HS3ST4: variants seen among roughly 807,000 people sequenced by gnomAD.
The protein encoded by HS3ST4 is heparan sulfate glucosamine 3-O-sulfotransferase 4.
In HS3ST4, 17 loss-of-function variants were observed where a neutral mutation model predicts 29.2. The observed-to-expected ratio is 0.58, with a 90% CI of 0.40 to 0.87. The LOEUF (loss-of-function observed/expected upper bound fraction) is 0.87. Among genes scored for constraint, HS3ST4 ranks in the 40% least tolerant of loss-of-function variants. HS3ST4 has a pLI of 0.00. For synonymous variants in HS3ST4, 314 were observed against 285.7 expected (o/e 1.10, Z -1.00); for missense variants, 627 against 634.5 (o/e 0.99, Z 0.13).
At chr16:25,831,572 CAG>C (rs374624817) in intron 1 of HS3ST4, among the ~76,000 whole-genome samples, 98 of 152,052 alleles carry the variant, frequency 6.4e-4, no homozygotes, top group African/African-American at 2.3e-3. Flanking sequence ...GCCTAGGCGA[CAG>C]AGTGAGACCC....
chr16:25,766,512 T>G (rs1044984994), intron 1 of HS3ST4, among the ~76,000 whole-genome samples: 2 of 152,250 alleles, frequency 1.3e-5, no homozygotes, highest in Admixed American at 1.3e-4. Flanking sequence ...CTGTTTTTCC[T>G]GTCCACTCAC....
intron 1 of HS3ST4, among the ~76,000 whole-genome samples, chr16:25,896,787 T>A (rs1030367349): frequency 1.7e-4 from 26 of 152,200 alleles, no homozygotes; most frequent in African/African-American, 6.3e-4. Context: ...GAAAATGTGG[T>A]ACATATACAC....
At chr16:25,880,740 A>G (rs1253823713) in intron 1 of HS3ST4, among the ~76,000 whole-genome samples, 1 of 152,226 alleles carries the variant, frequency 6.6e-6, no homozygotes, top group African/African-American at 2.4e-5. Context: ...CTAAATTAAG[A>G]AATGAAATAA....
chr16:25,794,943 A>G (rs1966879405), intron 1 of HS3ST4, among the ~76,000 whole-genome samples: 1 of 146,646 alleles, frequency 6.8e-6, no homozygotes, highest in African/African-American at 2.5e-5. Flanking sequence ...ACACACATAT[A>G]TATTCATAAT....
intron 1 of HS3ST4, among the ~76,000 whole-genome samples, chr16:25,718,970 A>G (rs928786349): frequency 4.6e-5 from 7 of 152,178 alleles, no homozygotes; most frequent in Admixed American, 4.6e-4. Context: ...AAGAAAGAAG[A>G]TGTAGTTTGA....
At chr16:26,103,443 A>G (rs1011314541) in intron 1 of HS3ST4, among the ~76,000 whole-genome samples, 1 of 152,314 alleles carries the variant, frequency 6.6e-6, no homozygotes, top group South Asian at 2.1e-4. Context: ...AAAGTAGCCA[A>G]GAAAGCCGTT....
At position 25,915,436 on chromosome 16, in the gene HS3ST4, C is replaced by T. The variant is rs184689506; in HGVS notation, c.735-220176C>T. On this transcript the variant is annotated intron_variant, in intron 1 of 1. Coordinates refer to ENST00000331351, the MANE Select transcript of HS3ST4 (RefSeq NM_006040.3). ...TTCTTGGCCCTTTTCCTCTTCTTGACGTTTTTGAGGAACATATAGTAATGA... is the reference window on the plus strand; with the variant it reads ...TTCTTGGCCCTTTTCCTCTTCTTGATGTTTTTGAGGAACATATAGTAATGA... Among the ~76,000 whole-genome samples, 21 of 152,240 alleles carry T rather than the reference C, an allele frequency of 1.4e-4. No individual in the cohort carries two copies. The East Asian group carries it at 3.1e-3, about 22-fold the overall frequency.
At chr16:25,788,874 G>A (rs1343215495) in intron 1 of HS3ST4, among the ~76,000 whole-genome samples, 1 of 152,066 alleles carries the variant, frequency 6.6e-6, no homozygotes, top group African/African-American at 2.4e-5. Flanking sequence ...GGCAGGACTT[G>A]TCAGTGTGAT....
intron 1 of HS3ST4, among the ~76,000 whole-genome samples, chr16:26,128,028 C>T (rs1343177394): frequency 6.6e-6 from 1 of 152,086 alleles, no homozygotes; most frequent in African/African-American, 2.4e-5. Context: ...TATCTTTATT[C>T]CTCCTTATTT....
At chr16:26,105,493 G>A (rs968393662) in intron 1 of HS3ST4, among the ~76,000 whole-genome samples, 9 of 152,164 alleles carry the variant, frequency 5.9e-5, no homozygotes, top group East Asian at 1.9e-4. Flanking sequence ...CTGTGATTCC[G>A]AAATAAAAGT....
chr16:25,810,139 C>T (rs1967028164), intron 1 of HS3ST4, among the ~76,000 whole-genome samples: 1 of 148,952 alleles, frequency 6.7e-6, no homozygotes, highest in Admixed American at 6.7e-5. Context: ...ACTTTAGCAG[C>T]ATCTAACATA....
At chr16:26,104,712 G>A (rs1475977775) in intron 1 of HS3ST4, among the ~76,000 whole-genome samples, 2 of 152,124 alleles carry the variant, frequency 1.3e-5, no homozygotes, top group Non-Finnish European at 2.9e-5. Flanking sequence ...GTCTCAAAAA[G>A]CACCTCAAAA....
intron 1 of HS3ST4, among the ~76,000 whole-genome samples, chr16:25,874,317 T>C (rs1967804730): frequency 1.3e-5 from 2 of 152,128 alleles, no homozygotes; most frequent in Admixed American, 6.6e-5. Flanking sequence ...TAGCTGGGGT[T>C]ATTCTCATTT....
intron 1 of HS3ST4, among the ~76,000 whole-genome samples, chr16:25,848,191 T>G (rs987334148): frequency 2.6e-5 from 4 of 152,010 alleles, no homozygotes; most frequent in African/African-American, 9.7e-5. Context: ...TAGGCTGGAG[T>G]GCAGTGGCAC....
At chr16:25,883,558 C>A (rs945793005) in intron 1 of HS3ST4, among the ~76,000 whole-genome samples, 1 of 152,124 alleles carries the variant, frequency 6.6e-6, no homozygotes. Context: ...AAATTCAGGT[C>A]AGCTTTTGGA....
At chr16:25,936,122 A>G (rs1297112305) in intron 1 of HS3ST4, among the ~76,000 whole-genome samples, 1 of 152,216 alleles carries the variant, frequency 6.6e-6, no homozygotes, top group Admixed American at 6.5e-5. Flanking sequence ...GATAATCTCC[A>G]TGATGGTCCT....
chr16:26,035,454 A>T (rs185351546), intron 1 of HS3ST4, among the ~76,000 whole-genome samples: 46 of 152,348 alleles, frequency 3.0e-4, no homozygotes, highest in African/African-American at 1.1e-3. Context: ...TGCTCTTCAC[A>T]AATCCCTTTG....
chr16:26,032,717 G>T, intron 1 of HS3ST4: 3 of 1,148,614 alleles, frequency 2.6e-6, no homozygotes, highest in Non-Finnish European at 3.9e-6. Flanking sequence ...TGGAGGAGCA[G>T]GTTTAGCAGA....
chr16:25,997,049 T>TA (rs966660265), intron 1 of HS3ST4, among the ~76,000 whole-genome samples: 1 of 152,192 alleles, frequency 6.6e-6, no homozygotes, highest in Non-Finnish European at 1.5e-5. Flanking sequence ...GTGCTTGATT[T>TA]AAAAAATATA....
Sources: gnomAD v4.1 joint callset for allele counts (sites outside exome capture counted in the v4.1 genomes callset) on GRCh38, gnomAD v4.1.1 for gene constraint, MANE v1.5 for transcripts, NCBI Gene and HGNC (gene_info 2026-07-23, HGNC 2026-07-21) for gene names.